The following FBXO34 variants were observed in gnomAD, a reference collection of about 807,000 sequenced individuals.
FBXO34 encodes the protein F-box only protein 34.
FBXO34 carries 12 observed loss-of-function variants against 24.5 expected under a neutral mutation model. That is an observed-to-expected ratio of 0.49 (90% CI 0.31 to 0.79). The LOEUF (loss-of-function observed/expected upper bound fraction) is 0.79. Ranked by LOEUF, FBXO34 falls within the 30% of genes least tolerant of loss-of-function variation. The pLI is 0.04. For synonymous variants in FBXO34, 320 were observed against 311.9 expected, an observed-to-expected ratio of 1.03 and a Z score of -0.27; for missense variants, 823 against 857.7, an observed-to-expected ratio of 0.96 and a Z score of 0.51.
At chr14:55,381,596 A>T in the FBXO34 span, among the ~76,000 whole-genome samples, 1 of 152,248 alleles carries the variant, frequency 6.6e-6, no homozygotes, top group Non-Finnish European at 1.5e-5. Context: ...AATATATACT[A>T]TCATGTGGAT....
rs202147629 is a variant in FBXO34 at position 55,315,296 on chromosome 14, T to G, written c.-10-35085T>G. On this transcript the variant is annotated intron_variant, in intron 1 of 1. Coordinates refer to ENST00000313833, the MANE Select transcript of FBXO34 (RefSeq NM_017943.4). ...AATTGTAACTTGTCCTTATTTACTTTCAGGAAAGTCAGACACTTCAAGTAT... is the reference window on the plus strand; with the variant it reads ...AATTGTAACTTGTCCTTATTTACTTGCAGGAAAGTCAGACACTTCAAGTAT... Among the ~76,000 whole-genome samples, 9 of 152,364 alleles carry G rather than the reference T, an allele frequency of 5.9e-5. No homozygotes were observed. In the South Asian group the frequency reaches 1.7e-3, roughly 28 times the overall value.
intron 1 of FBXO34, among the ~76,000 whole-genome samples, chr14:55,349,357 T>C (rs1884262358): frequency 6.6e-6 from 1 of 152,138 alleles, no homozygotes; most frequent in Admixed American, 6.5e-5. Context: ...TCTCTACCCC[T>C]GGCCAAGGAC....
the FBXO34 span, chr14:55,428,976 T>C: frequency 2.5e-6 from 4 of 1,613,968 alleles, no homozygotes; most frequent in Non-Finnish European, 3.4e-6. Flanking sequence ...TGCTCTTCAC[T>C]GGGGAGGGGC....
the FBXO34 span, among the ~76,000 whole-genome samples, chr14:55,384,937 A>C: frequency 6.6e-6 from 1 of 152,200 alleles, no homozygotes; most frequent in African/African-American, 2.4e-5. Flanking sequence ...TGCCCTCTGG[A>C]ACCTCTATTT....
intron 1 of FBXO34, among the ~76,000 whole-genome samples, chr14:55,341,837 A>C (rs1884004009): frequency 6.6e-6 from 1 of 152,172 alleles, no homozygotes; most frequent in African/African-American, 2.4e-5. Context: ...CTTAAACATC[A>C]TTAAGTTTAA....
chr14:55,289,351 A>G (rs556172415), intron 1 of FBXO34, among the ~76,000 whole-genome samples: 2 of 152,298 alleles, frequency 1.3e-5, no homozygotes, highest in East Asian at 3.9e-4. Flanking sequence ...GTAGGATGGA[A>G]GAACATTTAC....
chr14:55,393,185 T>C, the FBXO34 span, among the ~76,000 whole-genome samples: 1 of 151,810 alleles, frequency 6.6e-6, no homozygotes, highest in Non-Finnish European at 1.5e-5. Flanking sequence ...ATTGAGACCA[T>C]CCTGGCTAAC....
At chr14:55,406,880 T>C in the FBXO34 span, among the ~76,000 whole-genome samples, 2 of 152,196 alleles carry the variant, frequency 1.3e-5, no homozygotes, top group Admixed American at 6.5e-5. Flanking sequence ...ATTTTTCTGC[T>C]TGGTCAGGAA....
At chr14:55,416,970 T>C in the FBXO34 span, among the ~76,000 whole-genome samples, 3 of 152,188 alleles carry the variant, frequency 2.0e-5, no homozygotes, top group South Asian at 2.1e-4. Context: ...GAGTAGAGCA[T>C]TGGACTTCAG....
chr14:55,420,173 C>T, the FBXO34 span, among the ~76,000 whole-genome samples: 347 of 152,278 alleles, frequency 2.3e-3, 10 homozygotes, highest in East Asian at 0.05. Flanking sequence ...CAGGTTCAAG[C>T]GATTCTCCTG....
intron 1 of FBXO34, among the ~76,000 whole-genome samples, chr14:55,295,803 C>A (rs1490944209): frequency 6.6e-6 from 1 of 152,182 alleles, no homozygotes; most frequent in Non-Finnish European, 1.5e-5. Context: ...GCCAGTCTTA[C>A]AGAGGAACTT....
chr14:55,416,267 A>G, the FBXO34 span, among the ~76,000 whole-genome samples: 54 of 152,308 alleles, frequency 3.5e-4, no homozygotes, highest in African/African-American at 1.3e-3. Flanking sequence ...ATATTAAACA[A>G]TCAGGGATGA....
Position 55,352,564 on chromosome 14 carries a change from A to C in FBXO34, c.*38A>C, listed in dbSNP as rs1391241333. 2 of 1,534,132 alleles carry C rather than the reference A, an allele frequency of 1.3e-6. No homozygotes were observed. Among genetic ancestry groups the C allele is most frequent in the African/African-American group, 2.8e-5 (2 of 72,634 alleles). On this transcript the variant is annotated 3_prime_UTR_variant, in exon 2 of 2. Coordinates refer to ENST00000313833, the MANE Select transcript of FBXO34 (RefSeq NM_017943.4). ...AGGCAACAAAAGGACCGGTTTCTAA[A>C]GCTGCAAAACACCTAGATACACCGT...
chr14:55,348,527 G>A (rs1884234907), intron 1 of FBXO34, among the ~76,000 whole-genome samples: 1 of 152,076 alleles, frequency 6.6e-6, no homozygotes, highest in Admixed American at 6.5e-5. Flanking sequence ...CTGCCATATG[G>A]CAGCCTCTAT....
the FBXO34 span, among the ~76,000 whole-genome samples, chr14:55,415,711 C>G: frequency 1.3e-5 from 2 of 151,926 alleles, no homozygotes; most frequent in Non-Finnish European, 2.9e-5. Context: ...ACTAAAAATA[C>G]AAAAGAAAAT....
the FBXO34 span, among the ~76,000 whole-genome samples, chr14:55,387,217 C>T: frequency 6.6e-6 from 1 of 152,178 alleles, no homozygotes; most frequent in Admixed American, 6.5e-5. Context: ...GCCTCAAGGC[C>T]TCCTCCAAAT....
chr14:55,358,274 A>G (rs1206848059), downstream of FBXO34, among the ~76,000 whole-genome samples: 1 of 152,124 alleles, frequency 6.6e-6, no homozygotes. Flanking sequence ...GGCCCCTCAG[A>G]TTTCTAAGTC....
At chr14:55,390,101 G>A in the FBXO34 span, among the ~76,000 whole-genome samples, 1 of 152,194 alleles carries the variant, frequency 6.6e-6, no homozygotes, top group East Asian at 1.9e-4. Context: ...ACAGAGTTTT[G>A]CTCTTGTTGC....
intron 1 of FBXO34, among the ~76,000 whole-genome samples, chr14:55,317,485 AAAAC>A (rs1882972659): frequency 6.7e-6 from 1 of 149,804 alleles, no homozygotes; most frequent in Admixed American, 6.6e-5. Flanking sequence ...TGTCTCAAAA[AAAAC>A]AAAAACAAAA....
Sources: gnomAD v4.1 joint callset for allele counts (sites outside exome capture counted in the v4.1 genomes callset) on GRCh38, gnomAD v4.1.1 for gene constraint, MANE v1.5 for transcripts, NCBI Gene and HGNC (gene_info 2026-07-23, HGNC 2026-07-21) for gene names.